Variants in COPS9 observed in about 807,000 individuals in gnomAD.
The protein encoded by COPS9 is COP9 signalosome subunit 9.
COPS9 carries 8 observed loss-of-function variants against 7.2 expected under a neutral mutation model. That is an observed-to-expected ratio of 1.11 (90% CI 0.65 to 2.00). COPS9 has a LOEUF of 2.00. COPS9 is among the 30% of genes most tolerant of loss of function. The probability of loss-of-function intolerance (pLI) is 0.00; values close to 1 mark genes in which losing one functional copy is unlikely to be tolerated. For missense variants in COPS9, 74 were observed against 77.7 expected, an observed-to-expected ratio of 0.95 and a Z score of 0.18; for synonymous variants, 39 against 28.7, an observed-to-expected ratio of 1.36 and a Z score of -1.14.
chr2:240,127,568 TAGG>T (rs2071879401), downstream of COPS9, among the ~76,000 whole-genome samples: 1 of 152,108 alleles, frequency 6.6e-6, no homozygotes, highest in Non-Finnish European at 1.5e-5. Context: ...GTGATGGTGT[TAGG>T]AGGTGGGACC....
intron 2 of COPS9, among the ~76,000 whole-genome samples, chr2:240,131,893 G>A (rs34652298): frequency 0.66 from 100,502 of 151,464 alleles, 35,062 homozygotes; most frequent in African/African-American, 0.89. Context: ...AAGAGAAAGG[G>A]GCCTGCTGGC....
At position 240,136,241 on chromosome 2, in the gene COPS9, G is replaced by T. The variant is rs747580358; in HGVS notation, c.44C>A (p.Pro15His). Residue 15 changes from proline to histidine, a missense_variant, in exon 1 of 3, where the codon CCC becomes CAC. Transcript: ENST00000607357. Reference sequence around the variant, plus strand: ...TGCCACCTCGTCCAGGTCCACGTAGGGCCCGGCGCCCTCGGGGAACATCTC... The same window carrying T: ...TGCCACCTCGTCCAGGTCCACGTAGTGCCCGGCGCCCTCGGGGAACATCTC... ...VDEMFPEGAGPYVDLDEAGGS... is the reference protein window; with the variant it reads ...VDEMFPEGAGHYVDLDEAGGS... 4 of 1,564,978 alleles carry T rather than the reference G, an allele frequency of 2.6e-6. No individual in the cohort carries two copies. Among genetic ancestry groups the T allele is most frequent in the Non-Finnish European group, 3.5e-6 (4 of 1,159,286 alleles).
chr2:240,126,666 G>C, downstream of COPS9: 1 of 1,614,182 alleles, frequency 6.2e-7, no homozygotes, highest in Non-Finnish European at 8.5e-7. Context: ...CCAGTGAGTA[G>C]AAACTGATAT....
rs1356304621 is a variant in COPS9, at chr2:240,136,217, G to A, written c.63+5C>T. 4 of 1,544,832 alleles carry A rather than the reference G, an allele frequency of 2.6e-6. No individual in the cohort carries two copies. Among genetic ancestry groups the A allele is most frequent in the African/African-American group, 1.4e-5 (1 of 69,868 alleles). The stretch of plus-strand genomic sequence containing the variant: ...GCTCGGAGACTCCCGCCGGGCCCGT[G>A]CCACCTCGTCCAGGTCCACGTAGGG... On this transcript the variant is annotated splice_donor_5th_base_variant and intron_variant, in intron 1 of 2. Coordinates refer to ENST00000607357, the MANE Select transcript of COPS9 (RefSeq NM_001163424.2).
In COPS9 at chr2:240,132,248, G is replaced by C. The variant is rs889204378; in HGVS notation, c.137-1160C>G. 1.3e-5 allele frequency among the ~76,000 whole-genome samples: 2 copies of C among 152,208 alleles called. No individual in the cohort carries two copies. The highest frequency in any genetic ancestry group is 6.5e-5 in the Admixed American group (1 of 15,284). On this transcript the variant is annotated intron_variant, in intron 2 of 2. Coordinates refer to ENST00000607357, the MANE Select transcript of COPS9 (RefSeq NM_001163424.2). The surrounding 1 kb of genome is among the most constrained non-coding windows in gnomAD (Gnocchi z 4.1). ...TTGTAAGACATGGCGAGGGAAGAGA[G>C]AGTGTCTCTTTCGTGGCTAGAACCC...
At chr2:240,129,633 C>T (rs377763618), downstream of COPS9, among the ~76,000 whole-genome samples, 30 of 152,304 alleles carry the variant, frequency 2.0e-4, 1 homozygote, top group East Asian at 1.7e-3. Flanking sequence ...CACCTGATCA[C>T]GACAGAATTC....
chr2:240,126,901 T>G (rs775053715), downstream of COPS9: 40 of 1,613,984 alleles, frequency 2.5e-5, no homozygotes, highest in East Asian at 8.9e-4. Context: ...CCAAACGCTC[T>G]GTCCAAAGCT....
chr2:240,135,805 G>A (rs932253767), intron 1 of COPS9: 3 of 187,752 alleles, frequency 1.6e-5, no homozygotes, highest in Non-Finnish European at 3.3e-5. Context: ...GCACAGTAAA[G>A]CCCACTTTCT....
In COPS9 at chr2:240,132,012, C is replaced by T. The variant is rs2071927923; in HGVS notation, c.137-924G>A. On this transcript the variant is annotated intron_variant, in intron 2 of 2. Coordinates refer to ENST00000607357, the MANE Select transcript of COPS9 (RefSeq NM_001163424.2). This position sits in a 1 kb window ranked among gnomAD's most constrained non-coding sequence, Gnocchi z 4.1. ...ACACTGATGCACCCCCACGTCCTCACTGCCTCCCGACTGCTGGTTGTGGTT... is the reference window on the plus strand; with the variant it reads ...ACACTGATGCACCCCCACGTCCTCATTGCCTCCCGACTGCTGGTTGTGGTT... Among the ~76,000 whole-genome samples the T allele has an allele frequency of 6.6e-6, 1 of 152,212 alleles. No individual in the cohort carries two copies. Among genetic ancestry groups the T allele is most frequent in the Non-Finnish European group, 1.5e-5 (1 of 68,032 alleles).
intron 2 of COPS9, among the ~76,000 whole-genome samples, chr2:240,133,616 G>A (rs1417437159): frequency 1.3e-5 from 2 of 152,214 alleles, no homozygotes; most frequent in Non-Finnish European, 2.9e-5. Context: ...GGCCGTGTGT[G>A]GGGTGAGGGC....
At chr2:240,127,040 A>G (rs2071873399), downstream of COPS9, 1 of 1,425,978 alleles carries the variant, frequency 7.0e-7, no homozygotes, top group East Asian at 2.3e-5. Context: ...GTCCAGTGAG[A>G]AGACAAGTAT....
chr2:240,129,596 T>TCAGCTGAAGGGGAACTG (rs1176647499), downstream of COPS9, among the ~76,000 whole-genome samples: 22 of 152,208 alleles, frequency 1.4e-4, no homozygotes, highest in Admixed American at 1.3e-3. Context: ...GCGATAAACC[T>TCAGCTGAAGGGGAACTG]CAGCTGAAGG....
Position 240,131,006 on chromosome 2 carries a change from G to A in COPS9, c.*45C>T, listed in dbSNP as rs757765838. On this transcript the variant is annotated 3_prime_UTR_variant, in exon 3 of 3. Transcript: ENST00000607357. ...ACTGTCCTGCGCAGGCTCACACTGC[G>A]GCTCTGTACCAAGGGCTTGGCCCCG... 40 of 1,608,216 alleles carry A rather than the reference G, an allele frequency of 2.5e-5. No homozygotes were observed. Among genetic ancestry groups the A allele is most frequent in the Non-Finnish European group, 3.3e-5 (39 of 1,177,844 alleles).
At chr2:240,127,447 G>A (rs1180125548), downstream of COPS9, among the ~76,000 whole-genome samples, 1 of 152,134 alleles carries the variant, frequency 6.6e-6, no homozygotes, top group Non-Finnish European at 1.5e-5. Flanking sequence ...TGGGTGGCGT[G>A]GCACTGCCCA....
At chr2:240,126,557 T>G (rs762533083), downstream of COPS9, 2 of 1,609,732 alleles carry the variant, frequency 1.2e-6, no homozygotes, top group East Asian at 4.5e-5. Context: ...CACACCTCTC[T>G]GCATCCTACC....
intron 2 of COPS9, 54 bp downstream of exon 2, chr2:240,133,879 C>A: frequency 6.4e-7 from 1 of 1,572,830 alleles, no homozygotes; most frequent in South Asian, 1.1e-5. Flanking sequence ...ACTGCCTTCA[C>A]CTAGAGAAGA....
downstream of COPS9, among the ~76,000 whole-genome samples, chr2:240,127,555 C>T (rs2071879225): frequency 6.6e-6 from 1 of 152,110 alleles, no homozygotes; most frequent in Non-Finnish European, 1.5e-5. Context: ...CCCCAACCCC[C>T]AGGTGATGGT....
downstream of COPS9, among the ~76,000 whole-genome samples, chr2:240,130,312 C>T (rs1025467198): frequency 9.9e-5 from 15 of 152,178 alleles, no homozygotes; most frequent in Non-Finnish European, 2.1e-4. Context: ...CTCTTCACTT[C>T]GAGATGGATG....
intron 1 of COPS9, among the ~76,000 whole-genome samples, chr2:240,134,748 G>A (rs1342526262): frequency 6.6e-6 from 1 of 152,038 alleles, no homozygotes; most frequent in East Asian, 1.9e-4. Flanking sequence ...AGGACACTCA[G>A]TCTCCTCCCC....
Sources: gnomAD v4.1 joint callset for allele counts (sites outside exome capture counted in the v4.1 genomes callset) on GRCh38, gnomAD v4.1.1 for gene constraint, Gnocchi (gnomAD v3.1) non-coding constraint, MANE v1.5 for transcripts, NCBI Gene and HGNC (gene_info 2026-07-23, HGNC 2026-07-21) for gene names.